The following IGF2BP3 variants were observed in gnomAD, a reference collection of about 807,000 sequenced individuals.
The protein encoded by IGF2BP3 is insulin like growth factor 2 mRNA binding protein 3, also known as insulin-like growth factor 2 mRNA-binding protein 3.
In IGF2BP3, 9 loss-of-function variants were observed where a neutral mutation model predicts 73.8. The observed-to-expected ratio is 0.12, with a 90% CI of 0.07 to 0.21. The LOEUF is 0.21. IGF2BP3 is among the 10% of genes least tolerant of loss of function. IGF2BP3 has a pLI of 1.00. For synonymous variants in IGF2BP3, 258 were observed against 256.7 expected (o/e 1.01, Z -0.05); for missense variants, 542 against 714.0 (o/e 0.76, Z 2.75).
At chr7:23,426,394 C>A (rs1787512942) in intron 2 of IGF2BP3, among the ~76,000 whole-genome samples, 1 of 150,086 alleles carries the variant, frequency 6.7e-6, no homozygotes, top group African/African-American at 2.5e-5. Flanking sequence ...ATTTAATGAG[C>A]AAAACTTAAT....
intron 10 of IGF2BP3, among the ~76,000 whole-genome samples, chr7:23,333,224 A>T (rs1342210656): frequency 3.9e-5 from 6 of 152,252 alleles, no homozygotes; most frequent in South Asian, 4.1e-4. Context: ...CTCGCAGCTA[A>T]TTTTTTAAAA....
chr7:23,355,004 T>C (rs537969169), intron 5 of IGF2BP3, among the ~76,000 whole-genome samples: 1 of 152,282 alleles, frequency 6.6e-6, no homozygotes, highest in African/African-American at 2.4e-5. Flanking sequence ...CTAGAATCTT[T>C]CTAGGCACAA....
chr7:23,385,951 T>C (rs1241031533), intron 3 of IGF2BP3, among the ~76,000 whole-genome samples: 1 of 152,232 alleles, frequency 6.6e-6, no homozygotes, highest in African/African-American at 2.4e-5. Context: ...GAGAATTTTT[T>C]ATATGTGATG....
At chr7:23,392,403 A>G (rs1221075770) in intron 3 of IGF2BP3, among the ~76,000 whole-genome samples, 5 of 26,180 alleles carry the variant, frequency 1.9e-4, no homozygotes, top group Middle Eastern at 0.033. Context: ...CATTTGGAAG[A>G]AAAAAAAAAA....
intron 10 of IGF2BP3, among the ~76,000 whole-genome samples, chr7:23,336,381 A>G (rs1359687052): frequency 6.6e-6 from 1 of 152,206 alleles, no homozygotes; most frequent in Non-Finnish European, 1.5e-5. Flanking sequence ...ACCAGAATGC[A>G]GTTCAGGAAC....
In IGF2BP3 at chr7:23,470,112, G is replaced by C; in HGVS notation, c.-2C>G. 1 of 1,592,828 alleles carries C rather than the reference G, an allele frequency of 6.3e-7. No individual in the cohort carries two copies. The highest frequency in any genetic ancestry group is 8.5e-7 in the Non-Finnish European group (1 of 1,172,076). On this transcript the variant is annotated 5_prime_UTR_variant, in exon 1 of 15. Coordinates refer to ENST00000258729, the MANE Select transcript of IGF2BP3 (RefSeq NM_006547.3). ...GTTTCCGATATACAGTTTGTTCATT[G>C]TGAAGAGTGGTTGTTTAAAAAAAAA...
At chr7:23,415,080 C>A in intron 3 of IGF2BP3, 1 of 208,920 alleles carries the variant, frequency 4.8e-6, no homozygotes, top group Non-Finnish European at 9.8e-6. Context: ...ATCTGTCAGT[C>A]GGCTTTACCA....
chr7:23,412,363 A>G (rs1450327327), intron 3 of IGF2BP3, among the ~76,000 whole-genome samples: 1 of 152,208 alleles, frequency 6.6e-6, no homozygotes, highest in African/African-American at 2.4e-5. Flanking sequence ...TCCCAGATCA[A>G]TTAAGTCCAG....
At chr7:23,461,298 A>G (rs913796134) in intron 2 of IGF2BP3, among the ~76,000 whole-genome samples, 2 of 152,046 alleles carry the variant, frequency 1.3e-5, no homozygotes, top group African/African-American at 4.8e-5. Flanking sequence ...TCCCTTGATG[A>G]TCATGTCCAA....
chr7:23,468,418 C>T, intron 2 of IGF2BP3, 64 bp downstream of exon 2: 1 of 1,537,950 alleles, frequency 6.5e-7, no homozygotes, highest in Non-Finnish European at 9.0e-7. Flanking sequence ...AAGTTCTCAG[C>T]TGAGTCTCTC....
intron 3 of IGF2BP3, among the ~76,000 whole-genome samples, chr7:23,366,354 T>G (rs1036646352): frequency 2.6e-5 from 4 of 152,048 alleles, no homozygotes; most frequent in African/African-American, 9.7e-5. Context: ...CCCAGGCTGG[T>G]CTCGAACTCC....
rs371768468 is a variant in IGF2BP3 at position 23,321,631 on chromosome 7, G to A, written c.1204-2377C>T. On this transcript the variant is annotated intron_variant, in intron 10 of 14. Transcript: ENST00000258729. ...CACCTCTGGGGGCAGGGCACAGACA[G>A]ACAAAAAGACAGCAGTAACCTCTGC... is the stretch of plus-strand genomic sequence containing the variant. 5.9e-5 allele frequency among the ~76,000 whole-genome samples: 9 copies of A among 152,324 alleles called. No individual in the cohort carries two copies. In the South Asian group the frequency reaches 1.0e-3, roughly 18 times the overall value.
At chr7:23,320,694 T>G (rs1583878861) in intron 10 of IGF2BP3, among the ~76,000 whole-genome samples, 1 of 135,608 alleles carries the variant, frequency 7.4e-6, no homozygotes. Flanking sequence ...ATGCCTGTAA[T>G]CCCAGCACTT....
At chr7:23,441,395 A>C (rs543492127) in intron 2 of IGF2BP3, among the ~76,000 whole-genome samples, 2 of 152,102 alleles carry the variant, frequency 1.3e-5, no homozygotes, top group South Asian at 4.2e-4. Context: ...CAACATGGTG[A>C]AACCCCATCT....
At chr7:23,327,903 G>C (rs576569135) in intron 10 of IGF2BP3, among the ~76,000 whole-genome samples, 3 of 152,094 alleles carry the variant, frequency 2.0e-5, no homozygotes, top group Admixed American at 2.0e-4. Flanking sequence ...GATCACCAAC[G>C]GCAGAACCCC....
At chr7:23,463,651 G>A (rs1343666697) in intron 2 of IGF2BP3, among the ~76,000 whole-genome samples, 1 of 152,164 alleles carries the variant, frequency 6.6e-6, no homozygotes. Flanking sequence ...AGAAACAGAA[G>A]CCAAGATTCT....
chr7:23,321,552 G>A (rs559120638), intron 10 of IGF2BP3, among the ~76,000 whole-genome samples: 39 of 152,328 alleles, frequency 2.6e-4, no homozygotes, highest in African/African-American at 7.2e-4. Flanking sequence ...CAGGACGCTC[G>A]AACTGGGTGG....
chr7:23,323,042 T>C lies in IGF2BP3; in HGVS notation c.1204-3788A>G, dbSNP rs200818103. 5.3e-5 allele frequency among the ~76,000 whole-genome samples: 8 copies of C among 152,234 alleles called. No homozygotes were observed. The East Asian group carries it at 1.3e-3, about 26-fold the overall frequency. Reference sequence around the variant, plus strand: ...CGAGCAAAATAACCAGCTAACATCATAATGACATGATCAAATTCACACATA... The same window carrying C: ...CGAGCAAAATAACCAGCTAACATCACAATGACATGATCAAATTCACACATA... On this transcript the variant is annotated intron_variant, in intron 10 of 14. Transcript: ENST00000258729.
chr7:23,351,827 A>G (rs274057), intron 5 of IGF2BP3, among the ~76,000 whole-genome samples: 6,259 of 152,244 alleles, frequency 0.041, 211 homozygotes, highest in South Asian at 0.11. Context: ...ACAAGTTTCC[A>G]AAGGGAACCT....
Sources: gnomAD v4.1 joint callset for allele counts (sites outside exome capture counted in the v4.1 genomes callset) on GRCh38, gnomAD v4.1.1 for gene constraint, MANE v1.5 for transcripts, NCBI Gene and HGNC (gene_info 2026-07-23, HGNC 2026-07-21) for gene names.